The following LMAN2 variants were observed in gnomAD, a reference collection of about 807,000 sequenced individuals.
The protein encoded by LMAN2 is lectin, mannose binding 2.
Under a neutral mutation model 39.3 loss-of-function variants are expected in LMAN2, and 22 were observed. The observed-to-expected ratio is 0.56, with a 90% confidence interval of 0.40 to 0.80. LMAN2 has a LOEUF of 0.80. Ranked by LOEUF, LMAN2 falls within the 30% of genes least tolerant of loss-of-function variation. The pLI is 0.00. For missense variants in LMAN2, 494 were observed against 505.4 expected, an observed-to-expected ratio of 0.98 and a Z score of 0.22; for synonymous variants, 207 against 207.8, an observed-to-expected ratio of 1.00 and a Z score of 0.03.
chr5:177,345,273 C>T lies in LMAN2; in HGVS notation c.315+5900G>A, dbSNP rs963485289. Among the ~76,000 whole-genome samples, 5 of 141,320 alleles carry T rather than the reference C, an allele frequency of 3.5e-5. 1 individual carries two copies. Among genetic ancestry groups the T allele is most frequent in the African/African-American group, 2.7e-5 (1 of 37,536 alleles). The allele number at this position is 141,320 out of a possible 152,430, so 92.7% of individuals were successfully genotyped here. The stretch of plus-strand genomic sequence containing the variant: ...GGTGGGAGGATCACACCCAGGAGAC[C>T]GAGGCTGCAGTGAGCCGTGATTACA... On this transcript the variant is annotated intron_variant, in intron 2 of 7. Coordinates refer to ENST00000303127, the MANE Select transcript of LMAN2 (RefSeq NM_006816.3).
chr5:177,337,755 T>C lies in LMAN2; in HGVS notation c.464A>G (p.His155Arg). ...GPVFGSKDNF[H>R]GLAIFLDTYP... Reference sequence around the variant, plus strand: ...GGTGTCCAGGAAGATGGCTAAGCCGTGGAAGTTATCTTTGCTTCCAAACAC... The same window carrying C: ...GGTGTCCAGGAAGATGGCTAAGCCGCGGAAGTTATCTTTGCTTCCAAACAC... Residue 155 changes from histidine (H) to arginine (R), a missense_variant, in exon 4 of 8, where the codon CAC (histidine) becomes CGC (arginine). Transcript: ENST00000303127. This position sits in a 1 kb window ranked among gnomAD's most constrained non-coding sequence, Gnocchi z 8.2. The C allele has an allele frequency of 6.2e-7, 1 of 1,613,836 alleles. No individual in the cohort carries two copies. Among genetic ancestry groups the C allele is most frequent in the Admixed American group, 1.7e-5 (1 of 60,006 alleles).
chr5:177,348,115 C>A (rs1761662125), intron 2 of LMAN2, among the ~76,000 whole-genome samples: 1 of 152,052 alleles, frequency 6.6e-6, no homozygotes, highest in Non-Finnish European at 1.5e-5. Context: ...GGGGTGACAT[C>A]CTACTGAGAT....
Position 177,338,678 on chromosome 5 carries a change from G to A in LMAN2, c.316-73C>T, listed in dbSNP as rs1332192963. On this transcript the variant is annotated intron_variant, in intron 2 of 7. Transcript: ENST00000303127. Reference sequence around the variant, plus strand: ...AGCAAGCTGGAGGCAACCCCAGCACGGCCCCTGCCCCACAGACCTCTCTTC... The same window carrying A: ...AGCAAGCTGGAGGCAACCCCAGCACAGCCCCTGCCCCACAGACCTCTCTTC... 1.3e-5 allele frequency: 16 copies of A among 1,222,508 alleles called. No individual in the cohort carries two copies. The African/African-American group carries it at 1.5e-4, about 11-fold the overall frequency. 75.7% of individuals were successfully genotyped at this position (1,222,508 alleles called of 1,614,324 possible).
At chr5:177,342,426 G>A (rs1022208747) in intron 2 of LMAN2, among the ~76,000 whole-genome samples, 2 of 152,150 alleles carry the variant, frequency 1.3e-5, no homozygotes. Flanking sequence ...GCTCACACCT[G>A]TAATCTGAAA....
chr5:177,351,455 G>C lies in LMAN2; in HGVS notation c.193C>G (p.Gln65Glu). ...KREHSLIKPY[Q>E]GVGSSSMPLW... is the part of the protein sequence containing the mutation. ...ATTCCCGCCCCAAGGGCTTCACCTTGGTAGGGCTTAATGAGCGAATGCTCC... is the reference window on the plus strand; with the variant it reads ...ATTCCCGCCCCAAGGGCTTCACCTTCGTAGGGCTTAATGAGCGAATGCTCC... The change falls in exon 1 of 8, where the codon CAA becomes GAA. Residue 65 changes from glutamine (Q) to glutamate (E), a missense_variant. By Grantham distance (29) the Gln-to-Glu change is conservative. Coordinates refer to ENST00000303127, the MANE Select transcript of LMAN2 (RefSeq NM_006816.3). The C allele has an allele frequency of 6.2e-7, 1 of 1,612,930 alleles. No homozygotes were observed. The highest frequency in any genetic ancestry group is 8.5e-7 in the Non-Finnish European group (1 of 1,179,342).
intron 2 of LMAN2, 117 bp downstream of exon 2, chr5:177,351,056 G>T: frequency 1.2e-6 from 1 of 866,616 alleles, no homozygotes; most frequent in Admixed American, 1.7e-5. Flanking sequence ...ACCGAGATGA[G>T]GAAAAGGCCA....
At chr5:177,348,343 G>T (rs959994181) in intron 2 of LMAN2, among the ~76,000 whole-genome samples, 1 of 152,054 alleles carries the variant, frequency 6.6e-6, no homozygotes, top group African/African-American at 2.4e-5. Context: ...TAAATATATT[G>T]CATTAGGATA....
In LMAN2 at chr5:177,337,024, C is replaced by G. The variant is rs1761483955; in HGVS notation, c.790+112G>C. On this transcript the variant is annotated intron_variant, in intron 6 of 7. Transcript: ENST00000303127. This position sits in a 1 kb window ranked among gnomAD's most constrained non-coding sequence, Gnocchi z 8.2. Reference sequence around the variant, plus strand: ...ACAGAAGAAAGGAGGAGGAGGAACACAGCCAGGTGAGCTCAGAAACCACAT... The same window carrying G: ...ACAGAAGAAAGGAGGAGGAGGAACAGAGCCAGGTGAGCTCAGAAACCACAT... 2 of 755,088 alleles carry G rather than the reference C, an allele frequency of 2.6e-6. No individual in the cohort carries two copies. Among genetic ancestry groups the G allele is most frequent in the Non-Finnish European group, 2.2e-6 (1 of 447,836 alleles). The allele number at this position is 755,088 out of a possible 1,614,324, so 46.8% of individuals were successfully genotyped here.
At chr5:177,351,034 T>C in intron 2 of LMAN2, 139 bp downstream of exon 2, 2 of 748,480 alleles carry the variant, frequency 2.7e-6, no homozygotes, top group East Asian at 4.9e-5. Flanking sequence ...CCTCTTATTA[T>C]TGGTGGGTGT....
chr5:177,351,527 A>AC lies in LMAN2; in HGVS notation c.120dup (p.Ser41ValfsTer8). 1 of 1,614,180 alleles carries AC rather than the reference A, an allele frequency of 6.2e-7. No homozygotes were observed. The highest frequency in any genetic ancestry group is 8.5e-7 in the Non-Finnish European group (1 of 1,180,048). ...CCGTCAGTTATATCCGCAGTCACAG[A>AC]CCCCAACAACAAAAGAAGAAAGAGA... is the stretch of plus-strand genomic sequence containing the variant. On this transcript the variant is annotated frameshift_variant, in exon 1 of 8. Coordinates refer to ENST00000303127, the MANE Select transcript of LMAN2 (RefSeq NM_006816.3). LOFTEE classifies it high-confidence loss of function.
chr5:177,341,483 A>G (rs750890246), intron 2 of LMAN2, among the ~76,000 whole-genome samples: 1 of 152,240 alleles, frequency 6.6e-6, no homozygotes, highest in Non-Finnish European at 1.5e-5. Context: ...GGGAGCAAGA[A>G]GGCAGATGAC....
chr5:177,340,585 C>T (rs1280023357), intron 2 of LMAN2, among the ~76,000 whole-genome samples: 1 of 152,094 alleles, frequency 6.6e-6, no homozygotes, highest in East Asian at 1.9e-4. Context: ...GCCTGGCCAA[C>T]ATGGTGAAAC....
Position 177,351,546 on chromosome 5 carries a change from A to T in LMAN2, c.102T>A (p.Phe34Leu). Residue 34 changes from phenylalanine to leucine, a missense_variant, in exon 1 of 8, where the codon TTT becomes TTA. Transcript: ENST00000303127. Reference protein sequence around the residue: ...GPGPGPTTPLFLLLLLGSVTA... With the variant: ...GPGPGPTTPLLLLLLLGSVTA... Reference sequence around the variant, plus strand: ...TCACAGACCCCAACAACAAAAGAAGAAAGAGAGGTGTAGTGGGGCCAGGGC... The same window carrying T: ...TCACAGACCCCAACAACAAAAGAAGTAAGAGAGGTGTAGTGGGGCCAGGGC... 1 of 1,614,254 alleles carries T rather than the reference A, an allele frequency of 6.2e-7. No homozygotes were observed. The highest frequency in any genetic ancestry group is 8.5e-7 in the Non-Finnish European group (1 of 1,180,038).
At chr5:177,346,298 G>A (rs556445357) in intron 2 of LMAN2, 6 of 310,026 alleles carry the variant, frequency 1.9e-5, no homozygotes, top group East Asian at 5.5e-5. Context: ...TCTAACACAC[G>A]GGATCGTTTC....
At chr5:177,336,450 C>T (rs1761471940) in intron 6 of LMAN2, among the ~76,000 whole-genome samples, 1 of 152,154 alleles carries the variant, frequency 6.6e-6, no homozygotes, top group Non-Finnish European at 1.5e-5. Context: ...TCACGAGAGA[C>T]TGTTGGGGGC....
At chr5:177,348,409 A>T (rs1449380866) in intron 2 of LMAN2, among the ~76,000 whole-genome samples, 1 of 152,188 alleles carries the variant, frequency 6.6e-6, no homozygotes, top group African/African-American at 2.4e-5. Context: ...CATACTGGCC[A>T]GGCACAGTGG....
In LMAN2 at chr5:177,332,192, C is replaced by A. The variant is rs761144755; in HGVS notation, c.965G>T (p.Arg322Leu). 6.8e-6 allele frequency: 11 copies of A among 1,613,298 alleles called. No homozygotes were observed. Among genetic ancestry groups the A allele is most frequent in the Non-Finnish European group, 9.3e-6 (11 of 1,179,896 alleles). Reference sequence around the variant, plus strand: ...AGCGCACAGCAGCAGCAGGAACACCCGCCACCCCGTCAGGGGCCCGCTGCG... The same window carrying A: ...AGCGCACAGCAGCAGCAGGAACACCAGCCACCCCGTCAGGGGCCCGCTGCG... ...NFRSGPLTGW[R>L]VFLLLLCALL... is the part of the protein sequence containing the mutation. Residue 322 changes from arginine (R) to leucine (L), a missense_variant, in exon 8 of 8, where the codon CGG (arginine) becomes CTG (leucine). Arg to Leu is a moderately radical substitution (Grantham distance 102). Coordinates refer to ENST00000303127, the MANE Select transcript of LMAN2 (RefSeq NM_006816.3). This position sits in a 1 kb window ranked among gnomAD's most constrained non-coding sequence, Gnocchi z 6.3.
rs1761484952 is a variant in LMAN2, at chr5:177,337,120, G to A, written c.790+16C>T. ...TGAGCTGGGCTGGGAACCAACGCCT[G>A]GCCCGGCCCACTCACCAGACAGGTC... On this transcript the variant is annotated intron_variant, in intron 6 of 7. Transcript: ENST00000303127. This position sits in a 1 kb window ranked among gnomAD's most constrained non-coding sequence, Gnocchi z 8.2. 1 of 1,595,436 alleles carries A rather than the reference G, an allele frequency of 6.3e-7. No individual in the cohort carries two copies. Among genetic ancestry groups the A allele is most frequent in the South Asian group, 1.1e-5 (1 of 90,688 alleles).
chr5:177,350,131 C>T (rs2127320476), intron 2 of LMAN2, among the ~76,000 whole-genome samples: 1 of 152,314 alleles, frequency 6.6e-6, no homozygotes, highest in Non-Finnish European at 1.5e-5. Context: ...CCACTAACAG[C>T]AGTGTGGAGG....
Sources: gnomAD v4.1 joint callset for allele counts (sites outside exome capture counted in the v4.1 genomes callset) on GRCh38, gnomAD v4.1.1 for gene constraint, Gnocchi (gnomAD v3.1) non-coding constraint, MANE v1.5 for transcripts, NCBI Gene and HGNC (gene_info 2026-07-23, HGNC 2026-07-21) for gene names.